The following ATP6V1A variants were observed in gnomAD, a reference collection of about 807,000 sequenced individuals.
ATP6V1A encodes the protein V-type proton ATPase catalytic subunit A.
In ATP6V1A, 18 loss-of-function variants were observed where a neutral mutation model predicts 70.1. The observed-to-expected ratio is 0.26, with a 90% CI of 0.18 to 0.38. The LOEUF (loss-of-function observed/expected upper bound fraction) is 0.38. Among genes scored for constraint, ATP6V1A ranks in the 10% least tolerant of loss-of-function variants. The pLI is 1.00. For missense variants in ATP6V1A, 424 were observed against 772.4 expected, an observed-to-expected ratio of 0.55 and a Z score of 5.35; for synonymous variants, 232 against 253.8, an observed-to-expected ratio of 0.91 and a Z score of 0.82.
chr3:113,802,837 A>G (rs1709230811), intron 12 of ATP6V1A: 1 of 151,698 alleles, frequency 6.6e-6, no homozygotes, highest in South Asian at 2.1e-4. Flanking sequence ...TAATTTTTGT[A>G]TTTTTTGTAG....
intron 1 of ATP6V1A, among the ~76,000 whole-genome samples, chr3:113,761,679 T>C (rs948553321): frequency 6.7e-6 from 1 of 148,978 alleles, no homozygotes; most frequent in African/African-American, 2.5e-5. Flanking sequence ...GAGATTGTGG[T>C]GAGCCAAGAT....
chr3:113,768,976 A>G (rs1708804503), intron 1 of ATP6V1A, among the ~76,000 whole-genome samples: 1 of 152,178 alleles, frequency 6.6e-6, no homozygotes, highest in Non-Finnish European at 1.5e-5. Flanking sequence ...AACATCATTT[A>G]TTATGTGCTT....
intron 1 of ATP6V1A, among the ~76,000 whole-genome samples, chr3:113,761,592 C>T (rs34710341): frequency 1.6e-4 from 24 of 148,644 alleles, no homozygotes; most frequent in South Asian, 6.4e-4. Context: ...CATAATTAGC[C>T]GGGCATGGAG....
chr3:113,750,823 C>T (rs1446714433), intron 1 of ATP6V1A, among the ~76,000 whole-genome samples: 7 of 151,910 alleles, frequency 4.6e-5, no homozygotes, highest in Admixed American at 4.6e-4. Context: ...GACTGATGTC[C>T]CTGTGAGCAG....
At chr3:113,753,665 A>G (rs935011319) in intron 1 of ATP6V1A, among the ~76,000 whole-genome samples, 1 of 150,984 alleles carries the variant, frequency 6.6e-6, no homozygotes, top group Non-Finnish European at 1.5e-5. Context: ...ATTTCCAAGT[A>G]CATTCTGAAA....
At chr3:113,799,462 C>A (rs1709185977) in intron 12 of ATP6V1A, among the ~76,000 whole-genome samples, 1 of 152,120 alleles carries the variant, frequency 6.6e-6, no homozygotes, top group African/African-American at 2.4e-5. Context: ...CCTAGGGAAA[C>A]CACTTTACTT....
chr3:113,794,750 T>C, intron 8 of ATP6V1A, 122 bp from the exon 9 acceptor site: 2 of 1,146,742 alleles, frequency 1.7e-6, no homozygotes, highest in Admixed American at 5.2e-5. Flanking sequence ...AGAGCAGCTT[T>C]GAGGGAGCCA....
chr3:113,788,681 C>G, intron 6 of ATP6V1A, 32 bp from the exon 7 acceptor site: 1 of 1,598,584 alleles, frequency 6.3e-7, no homozygotes, highest in Non-Finnish European at 8.5e-7. Context: ...ATTAGCAAGT[C>G]AAGTAATCCA....
intron 9 of ATP6V1A, 25 bp downstream of exon 9, chr3:113,795,019 G>A (rs746511365): frequency 6.2e-7 from 1 of 1,613,224 alleles, no homozygotes; most frequent in Non-Finnish European, 8.5e-7. Context: ...TGCTTATCAT[G>A]TAAACAAGAC....
chr3:113,764,614 T>C (rs191208024), intron 1 of ATP6V1A, among the ~76,000 whole-genome samples: 1 of 152,318 alleles, frequency 6.6e-6, no homozygotes, highest in Non-Finnish European at 1.5e-5. Flanking sequence ...TCTTGGCTGT[T>C]TGCATCATAG....
chr3:113,784,966 A>G (rs1001909736), intron 5 of ATP6V1A, 133 bp downstream of exon 5: 70 of 1,001,324 alleles, frequency 7.0e-5, no homozygotes, highest in Non-Finnish European at 9.5e-5. Context: ...TAATTTTTGA[A>G]AGTTTTTGTT....
rs186628934 is a variant in ATP6V1A at position 113,786,375 on chromosome 3, C to T, written c.708C>T (p.Ala236=). The T allele has an allele frequency of 1.9e-6, 3 of 1,613,010 alleles. No individual in the cohort carries two copies. The East Asian group carries it at 6.7e-5, about 36-fold the overall frequency. The change falls in exon 6 of 15, where the codon GCC becomes GCT. Residue 236 remains alanine, a synonymous_variant. Transcript: ENST00000273398. ...TGACTGGCCAGAGAGTCCTTGATGC[C>T]CTTTTTCCGTAAGTTTGAGATGTGT... ...PLLTGQRVLD[A]LFPCVQGGTT...
chr3:113,765,824 G>A (rs142626785), intron 1 of ATP6V1A, among the ~76,000 whole-genome samples: 20 of 151,758 alleles, frequency 1.3e-4, no homozygotes, highest in African/African-American at 4.8e-4. Context: ...CTACTCGGGA[G>A]GCTGAGACAG....
intron 1 of ATP6V1A, 149 bp from the exon 2 acceptor site, chr3:113,778,592 G>T: frequency 4.6e-6 from 2 of 437,646 alleles, no homozygotes; most frequent in Admixed American, 4.4e-5. Context: ...ATTAAGAAAA[G>T]GAATTTTTTT....
chr3:113,773,334 T>G (rs1330971069), intron 1 of ATP6V1A, among the ~76,000 whole-genome samples: 1 of 152,218 alleles, frequency 6.6e-6, no homozygotes, highest in African/African-American at 2.4e-5. Flanking sequence ...ACAATTATCT[T>G]TAAGTAAATT....
In ATP6V1A at chr3:113,805,476, G is replaced by A. The variant is rs967814341; in HGVS notation, c.1712G>A (p.Arg571His). 10 of 1,613,886 alleles carry A rather than the reference G, an allele frequency of 6.2e-6. No individual in the cohort carries two copies. Among genetic ancestry groups the A allele is most frequent in the African/African-American group, 2.7e-5 (2 of 75,032 alleles). Reference protein sequence around the residue: ...SDNKITWSIIREHMGDILYKL... With the variant: ...SDNKITWSIIHEHMGDILYKL... ...AATAAAATCACATGGTCCATTATTCGTGAGCACATGGGAGACATCCTCTAT... is the reference window on the plus strand; with the variant it reads ...AATAAAATCACATGGTCCATTATTCATGAGCACATGGGAGACATCCTCTAT... The change falls in exon 14 of 15, where the codon CGT becomes CAT. Residue 571 changes from arginine (R) to histidine (H), a missense_variant. By Grantham distance (29) the Arg-to-His change is conservative. Around this residue, in one of 9 missense-constraint regions of ATP6V1A, gnomAD observed 127 missense variants for 207.9 expected, o/e 0.61. Coordinates refer to ENST00000273398, the MANE Select transcript of ATP6V1A (RefSeq NM_001690.4).
In ATP6V1A at chr3:113,747,086, A is replaced by G. The variant is rs963573980; in HGVS notation, c.-41A>G. The G allele has an allele frequency of 7.3e-6, 1 of 136,804 alleles. No homozygotes were observed. The highest frequency in any genetic ancestry group is 2.7e-5 in the African/African-American group (1 of 36,656). 8.5% of individuals were successfully genotyped at this position (136,804 alleles called of 1,614,324 possible). On this transcript the variant is annotated 5_prime_UTR_variant, in exon 1 of 15. Coordinates refer to ENST00000273398, the MANE Select transcript of ATP6V1A (RefSeq NM_001690.4). ...GACAGCCTCTGGGTCCTCGGTCGGT[A>G]CAGTCTCTGCACCTCGCGCCCCAGC...
intron 1 of ATP6V1A, among the ~76,000 whole-genome samples, chr3:113,754,973 CAT>C (rs1306122446): frequency 2.0e-5 from 3 of 152,144 alleles, no homozygotes; most frequent in Non-Finnish European, 4.4e-5. Flanking sequence ...TTTTTTCTCA[CAT>C]TGGTATTACT....
rs1198663481 is a variant in ATP6V1A, at chr3:113,784,302, C to T, written c.290C>T (p.Ala97Val). Reference protein sequence around the residue: ...SVELGPGIMGAIFDGIQRPLS... With the variant: ...SVELGPGIMGVIFDGIQRPLS... ...GAGCTTGGTCCTGGCATTATGGGAG[C>T]CATTTTTGATGGTATTCAAAGACCT... The change falls in exon 4 of 15, where the codon GCC (alanine) becomes GTC (valine). Residue 97 changes from alanine (A) to valine (V), a missense_variant. This residue lies in a region of ATP6V1A where 139 missense variants were observed against 163.5 expected (regional missense o/e 0.85). Transcript: ENST00000273398. The T allele has an allele frequency of 1.9e-6, 3 of 1,614,102 alleles. No homozygotes were observed. Among genetic ancestry groups the T allele is most frequent in the Non-Finnish European group, 2.5e-6 (3 of 1,179,992 alleles).
Sources: gnomAD v4.1 joint callset for allele counts (sites outside exome capture counted in the v4.1 genomes callset) on GRCh38, gnomAD v4.1.1 for gene constraint, gnomAD v4.1.1 regional missense constraint, MANE v1.5 for transcripts, NCBI Gene and HGNC (gene_info 2026-07-23, HGNC 2026-07-21) for gene names.